The following CLRN3 variants were observed in gnomAD, a reference collection of about 807,000 sequenced individuals.
CLRN3 encodes clarin 3.
CLRN3 carries 12 observed loss-of-function variants against 16.7 expected under a neutral mutation model. The ratio of observed to expected loss-of-function variants is 0.72; its 90% CI spans 0.46 to 1.16. The LOEUF is 1.16. CLRN3 is among the 50% of genes most tolerant of loss of function. CLRN3 has a pLI of 0.00. For missense variants in CLRN3, 296 were observed against 274.2 expected, an observed-to-expected ratio of 1.08 and a Z score of -0.56; for synonymous variants, 118 against 113.0, an observed-to-expected ratio of 1.04 and a Z score of -0.28.
At position 127,892,568 on chromosome 10, in the gene CLRN3, TC is replaced by T; in HGVS notation, c.216del (p.Lys74SerfsTer5). On this transcript the variant is annotated frameshift_variant, in exon 1 of 3. Transcript: ENST00000368671. LOFTEE classifies it high-confidence loss of function. ...EELSHGLAEP[K>X]KKFAVLEILN... ...GTTTATCATTTACCTGCAAACTTTT[TC>T]TTTGGTTCTGCAAGTCCGTGACTCA... 6.3e-7 allele frequency: 1 copy of T among 1,580,504 alleles called. No individual in the cohort carries two copies. Among genetic ancestry groups the T allele is most frequent in the Non-Finnish European group, 8.7e-7 (1 of 1,149,044 alleles).
chr10:127,878,320 A>G lies in CLRN3; in HGVS notation c.510T>C (p.Ser170=). 2 of 1,614,180 alleles carry G rather than the reference A, an allele frequency of 1.2e-6. No homozygotes were observed. Among genetic ancestry groups the G allele is most frequent in the Non-Finnish European group, 8.5e-7 (1 of 1,180,030 alleles). The stretch of plus-strand genomic sequence containing the variant: ...ATCCGTAACTGTGGGTCGTTCCTTT[A>G]CTGGTGGTTGCCGGGTAAAGCATTT... ...LFQMLYPATT[S]KGTTHSYGYS... is the part of the protein sequence containing the mutation. Residue 170 remains serine, a synonymous_variant, in exon 3 of 3, where the codon AGT becomes AGC. Coordinates refer to ENST00000368671, the MANE Select transcript of CLRN3 (RefSeq NM_152311.5).
At chr10:127,883,965 G>A (rs889357013) in intron 1 of CLRN3, 90 bp from the exon 2 acceptor site, 1 of 1,231,448 alleles carries the variant, frequency 8.1e-7, no homozygotes, top group Non-Finnish European at 1.2e-6. Context: ...TTAGTGACTT[G>A]AGTTACTGGT....
chr10:127,878,127 C>A lies in CLRN3; in HGVS notation c.*22G>T, dbSNP rs1235255162. On this transcript the variant is annotated 3_prime_UTR_variant, in exon 3 of 3. Transcript: ENST00000368671. ...GGGCTGATGTACAATAGATGCAACGCCAAAATGAGATGAAAGAGAATTCAG... is the reference window on the plus strand; with the variant it reads ...GGGCTGATGTACAATAGATGCAACGACAAAATGAGATGAAAGAGAATTCAG... 1 of 1,606,706 alleles carries A rather than the reference C, an allele frequency of 6.2e-7. No homozygotes were observed. The highest frequency in any genetic ancestry group is 8.5e-7 in the Non-Finnish European group (1 of 1,174,590).
intron 1 of CLRN3, among the ~76,000 whole-genome samples, chr10:127,888,990 G>A (rs773655254): frequency 6.9e-4 from 105 of 152,156 alleles, no homozygotes; most frequent in Admixed American, 1.2e-3. Context: ...TGCCTCACCC[G>A]CATCCCAGGT....
chr10:127,890,726 C>T (rs1358862545), intron 1 of CLRN3, among the ~76,000 whole-genome samples: 5 of 152,278 alleles, frequency 3.3e-5, no homozygotes, highest in East Asian at 3.9e-4. Flanking sequence ...AGAGCACCCA[C>T]GTCTCCATGT....
Position 127,878,237 on chromosome 10 carries a change from A to T in CLRN3, c.593T>A (p.Ile198Asn), listed in dbSNP as rs975635637. The T allele has an allele frequency of 6.2e-7, 1 of 1,614,062 alleles. No individual in the cohort carries two copies. The highest frequency in any genetic ancestry group is 1.3e-5 in the African/African-American group (1 of 74,912). Residue 198 changes from isoleucine (I) to asparagine (N), a missense_variant, in exon 3 of 3, where the codon ATC becomes AAC. Transcript: ENST00000368671. ...ILLNIVTVTIIIFYQKARYQR... is the reference protein window; with the variant it reads ...ILLNIVTVTINIFYQKARYQR... ...GTATCTGGCCTTCTGGTAGAAAATG[A>T]TGATGGTTACAGTGACTATATTTAG...
intron 2 of CLRN3, among the ~76,000 whole-genome samples, chr10:127,879,858 G>A (rs981445656): frequency 2.0e-5 from 3 of 152,160 alleles, no homozygotes; most frequent in Non-Finnish European, 4.4e-5. Context: ...CGGTGAGCAG[G>A]CTCACCCAGT....
chr10:127,880,800 TAG>T (rs1845119287), intron 2 of CLRN3, among the ~76,000 whole-genome samples: 1 of 151,888 alleles, frequency 6.6e-6, no homozygotes, highest in African/African-American at 2.4e-5. Flanking sequence ...CAAGCAGAGG[TAG>T]TTCAAAACCA....
intron 1 of CLRN3, among the ~76,000 whole-genome samples, chr10:127,886,051 G>T (rs372959971): frequency 6.6e-6 from 1 of 151,624 alleles, no homozygotes; most frequent in African/African-American, 2.4e-5. Context: ...CACCACGCCC[G>T]GCCTTTTAAA....
At chr10:127,885,303 G>A (rs962462133) in intron 1 of CLRN3, among the ~76,000 whole-genome samples, 1 of 152,076 alleles carries the variant, frequency 6.6e-6, no homozygotes, top group Non-Finnish European at 1.5e-5. Context: ...TCCTTGCATC[G>A]CCGTAATGAT....
chr10:127,878,331 C>T lies in CLRN3; in HGVS notation c.499G>A (p.Ala167Thr), dbSNP rs768876878. The T allele has an allele frequency of 1.2e-6, 2 of 1,614,110 alleles. No homozygotes were observed. Among genetic ancestry groups the T allele is most frequent in the South Asian group, 1.1e-5 (1 of 91,080 alleles). Residue 167 changes from alanine (A) to threonine (T), a missense_variant, in exon 3 of 3, where the codon GCA becomes ACA. Transcript: ENST00000368671. ...SEELFQMLYP[A>T]TTSKGTTHSY... Reference sequence around the variant, plus strand: ...TGGGTCGTTCCTTTACTGGTGGTTGCCGGGTAAAGCATTTGGAACAACTCT... The same window carrying T: ...TGGGTCGTTCCTTTACTGGTGGTTGTCGGGTAAAGCATTTGGAACAACTCT...
chr10:127,886,366 A>G (rs1381791006), intron 1 of CLRN3, among the ~76,000 whole-genome samples: 1 of 152,246 alleles, frequency 6.6e-6, no homozygotes, highest in East Asian at 1.9e-4. Flanking sequence ...CATGAAGGAG[A>G]TGTGGCCAGC....
chr10:127,889,975 G>A (rs1845240557), intron 1 of CLRN3, among the ~76,000 whole-genome samples: 1 of 152,254 alleles, frequency 6.6e-6, no homozygotes, highest in Admixed American at 6.5e-5. Flanking sequence ...TCCTCCAACT[G>A]GGCTTTGCAG....
intron 1 of CLRN3, among the ~76,000 whole-genome samples, chr10:127,891,323 A>T (rs1045194925): frequency 6.6e-6 from 1 of 152,236 alleles, no homozygotes; most frequent in African/African-American, 2.4e-5. Context: ...AACAGACACC[A>T]TATGGAAACC....
chr10:127,888,633 G>A (rs1441427130), intron 1 of CLRN3, among the ~76,000 whole-genome samples: 1 of 152,160 alleles, frequency 6.6e-6, no homozygotes, highest in Non-Finnish European at 1.5e-5. Context: ...TAGCGGGTGG[G>A]GGAGTGCCAG....
chr10:127,887,809 C>T (rs1845213162), intron 1 of CLRN3, among the ~76,000 whole-genome samples: 1 of 152,202 alleles, frequency 6.6e-6, no homozygotes, highest in East Asian at 1.9e-4. Flanking sequence ...AATTAGCAAA[C>T]ACATTCCGTT....
At chr10:127,884,967 C>T (rs1379164836) in intron 1 of CLRN3, among the ~76,000 whole-genome samples, 2 of 152,236 alleles carry the variant, frequency 1.3e-5, no homozygotes, top group African/African-American at 4.8e-5. Context: ...AGTAAGGCCA[C>T]AGCAACATCA....
chr10:127,883,182 C>T (rs772945735), intron 2 of CLRN3, among the ~76,000 whole-genome samples: 8 of 152,298 alleles, frequency 5.3e-5, no homozygotes, highest in East Asian at 3.9e-4. Context: ...CTCTGTGGCA[C>T]GACCATGCAG....
chr10:127,886,981 G>T (rs1845202545), intron 1 of CLRN3, among the ~76,000 whole-genome samples: 1 of 152,238 alleles, frequency 6.6e-6, no homozygotes, highest in Non-Finnish European at 1.5e-5. Flanking sequence ...CCTGCCTTCT[G>T]GGTGGGTGGG....
Sources: gnomAD v4.1 joint callset for allele counts (sites outside exome capture counted in the v4.1 genomes callset) on GRCh38, gnomAD v4.1.1 for gene constraint, MANE v1.5 for transcripts, NCBI Gene and HGNC (gene_info 2026-07-23, HGNC 2026-07-21) for gene names.